Variants in CCDC66 observed in about 807,000 individuals in gnomAD.
CCDC66 encodes coiled-coil domain containing 66.
CCDC66 carries 133 observed loss-of-function variants against 128.3 expected under a neutral mutation model. The ratio of observed to expected loss-of-function variants is 1.04; its 90% CI spans 0.90 to 1.20. CCDC66 has a LOEUF of 1.20. Among genes scored for constraint, CCDC66 ranks in the 50% most tolerant of loss-of-function variants. CCDC66 has a pLI of 0.00. For synonymous variants in CCDC66, 387 were observed against 357.0 expected (o/e 1.08, Z -0.95); for missense variants, 1,126 against 1,075.5 (o/e 1.05, Z -0.66).
chr3:56,563,471 C>T, intron 3 of CCDC66: 1 of 524,358 alleles, frequency 1.9e-6, no homozygotes, highest in Non-Finnish European at 3.3e-6. Context: ...GTGGAGATGT[C>T]CTATAACAAC....
chr3:56,621,000 A>AAGTAAGTTAGTTAGTT (rs1553717567), intron 17 of CCDC66: 3 of 150,510 alleles, frequency 2.0e-5, no homozygotes, highest in Middle Eastern at 6.8e-3. Context: ...AAAATACAAA[A>AAGTAAGTTAGTTAGTT]AGTTAGTTAG....
chr3:56,604,064 C>T (rs1004504743), intron 10 of CCDC66, among the ~76,000 whole-genome samples: 4 of 151,958 alleles, frequency 2.6e-5, no homozygotes, highest in Non-Finnish European at 5.9e-5. Context: ...CTCTTTTGAT[C>T]TTTGTTGGTT....
chr3:56,581,832 G>A (rs777632041), intron 7 of CCDC66, among the ~76,000 whole-genome samples: 1 of 151,860 alleles, frequency 6.6e-6, no homozygotes, highest in Non-Finnish European at 1.5e-5. Flanking sequence ...CCTACTGGGA[G>A]GTGTCTCCCA....
chr3:56,591,772 G>A (rs2070941033), intron 7 of CCDC66, among the ~76,000 whole-genome samples: 1 of 152,114 alleles, frequency 6.6e-6, no homozygotes, highest in East Asian at 1.9e-4. Context: ...TTTACTTTTT[G>A]TATAAATATT....
At chr3:56,602,461 G>A (rs1440114831) in intron 10 of CCDC66, among the ~76,000 whole-genome samples, 3 of 151,998 alleles carry the variant, frequency 2.0e-5, no homozygotes, top group African/African-American at 7.3e-5. Context: ...TCTCTGCCAG[G>A]TTTTGGTATC....
intron 10 of CCDC66, among the ~76,000 whole-genome samples, chr3:56,600,634 C>T (rs1031922261): frequency 3.9e-5 from 6 of 152,046 alleles, no homozygotes; most frequent in Non-Finnish European, 7.3e-5. Flanking sequence ...ACATCCTCTC[C>T]AGCATCTGTT....
Position 56,563,706 on chromosome 3 carries a change from C to G in CCDC66, c.125C>G (p.Ala42Gly). 1 of 1,549,678 alleles carries G rather than the reference C, an allele frequency of 6.5e-7. No homozygotes were observed. Among genetic ancestry groups the G allele is most frequent in the Non-Finnish European group, 8.7e-7 (1 of 1,146,178 alleles). Residue 42 changes from alanine to glycine, a missense_variant, in exon 4 of 18, where the codon GCA becomes GGA. Coordinates refer to ENST00000394672, the MANE Select transcript of CCDC66 (RefSeq NM_001141947.3). ...CAGATGGGAAATAAGGCCAAGATTG[C>G]AAAATGTCCTTTAAGAACAAAAACT... ...SVKMGNKAKI[A>G]KCPLRTKTGH...
intron 10 of CCDC66, among the ~76,000 whole-genome samples, chr3:56,609,604 T>C (rs114797443): frequency 0.027 from 4,107 of 152,348 alleles, 102 homozygotes; most frequent in African/African-American, 0.064. Flanking sequence ...TACTGTTGCA[T>C]TCATCATGCT....
At chr3:56,559,203 T>C (rs2064769374) in intron 2 of CCDC66, among the ~76,000 whole-genome samples, 1 of 152,180 alleles carries the variant, frequency 6.6e-6, no homozygotes, top group Admixed American at 6.5e-5. Context: ...AAGTAAAATT[T>C]ATGTAATTAT....
intron 7 of CCDC66, among the ~76,000 whole-genome samples, chr3:56,577,432 T>C (rs2067570133): frequency 6.6e-6 from 1 of 151,926 alleles, no homozygotes; most frequent in Non-Finnish European, 1.5e-5. Flanking sequence ...TTTAATTAGA[T>C]CCCATTTGTC....
intron 7 of CCDC66, among the ~76,000 whole-genome samples, chr3:56,585,229 C>T (rs750484512): frequency 1.9e-4 from 29 of 151,630 alleles, no homozygotes; most frequent in Admixed American, 1.3e-3. Flanking sequence ...TGAAGTGGTC[C>T]AGGAAATCTT....
intron 3 of CCDC66, 30 bp from the exon 4 acceptor site, chr3:56,563,654 A>G (rs747964712): frequency 6.7e-7 from 1 of 1,490,284 alleles, no homozygotes. Flanking sequence ...TTGGACAGTT[A>G]TAAAGAATAA....
At chr3:56,618,112 TTG>T in intron 14 of CCDC66, 58 bp from the exon 15 acceptor site, 2 of 1,298,260 alleles carry the variant, frequency 1.5e-6, no homozygotes, top group Non-Finnish European at 2.2e-6. Flanking sequence ...CTAAAAATAT[TTG>T]TGGGGACATG....
At chr3:56,612,355 G>A (rs2074956699) in intron 10 of CCDC66, among the ~76,000 whole-genome samples, 2 of 152,172 alleles carry the variant, frequency 1.3e-5, no homozygotes, top group South Asian at 2.1e-4. Context: ...CTGTGGTAAA[G>A]TTTTGTTGTG....
intron 10 of CCDC66, among the ~76,000 whole-genome samples, chr3:56,601,402 A>C (rs2073147521): frequency 6.6e-6 from 1 of 152,110 alleles, no homozygotes; most frequent in African/African-American, 2.4e-5. Flanking sequence ...GAAGTGAGAC[A>C]GCATGATGCC....
At chr3:56,569,124 G>A (rs1577314105) in intron 6 of CCDC66, among the ~76,000 whole-genome samples, 1 of 152,262 alleles carries the variant, frequency 6.6e-6, no homozygotes, top group East Asian at 1.9e-4. Context: ...GATTGCTTGA[G>A]GCCAGGGGTT....
At chr3:56,612,666 G>A (rs1303308529) in intron 10 of CCDC66, among the ~76,000 whole-genome samples, 1 of 152,172 alleles carries the variant, frequency 6.6e-6, no homozygotes, top group Non-Finnish European at 1.5e-5. Context: ...ATAATGGGCT[G>A]CGTGGGCCAG....
chr3:56,607,993 A>T (rs143838178), intron 10 of CCDC66, among the ~76,000 whole-genome samples: 4 of 152,330 alleles, frequency 2.6e-5, no homozygotes, highest in African/African-American at 9.6e-5. Flanking sequence ...CCACTTGATC[A>T]TGGTGGATTA....
At chr3:56,559,976 T>C (rs556608372) in intron 3 of CCDC66, among the ~76,000 whole-genome samples, 11 of 152,334 alleles carry the variant, frequency 7.2e-5, no homozygotes, top group Non-Finnish European at 1.3e-4. Context: ...ATTTAATGGA[T>C]AATGGATTGT....
Sources: allele counts gnomAD v4.1 joint callset (sites outside exome capture counted in the v4.1 genomes callset), GRCh38; gene constraint gnomAD v4.1.1; transcripts MANE v1.5; gene names NCBI Gene and HGNC (gene_info 2026-07-23, HGNC 2026-07-21).